The following ATP2B2 variants were observed in gnomAD, a reference collection of about 807,000 sequenced individuals.
ATP2B2 encodes the protein plasma membrane calcium-transporting ATPase 2.
ATP2B2 carries 15 observed loss-of-function variants against 120.0 expected under a neutral mutation model. That is an observed-to-expected ratio of 0.12 (90% CI 0.08 to 0.19). The LOEUF is 0.19. Among genes scored for constraint, ATP2B2 ranks in the 10% least tolerant of loss-of-function variants. ATP2B2 has a pLI of 1.00. For missense variants in ATP2B2, 1,045 were observed against 1,719.8 expected, an observed-to-expected ratio of 0.61 and a Z score of 6.94; for synonymous variants, 694 against 700.3, an observed-to-expected ratio of 0.99 and a Z score of 0.14.
intron 2 of ATP2B2, among the ~76,000 whole-genome samples, chr3:10,572,259 A>G (rs1451206236): frequency 6.6e-6 from 1 of 152,216 alleles, no homozygotes; most frequent in African/African-American, 2.4e-5. Context: ...CTGAAGAACT[A>G]TGGTTGTTTG....
chr3:10,559,969 C>T (rs2067866666), intron 2 of ATP2B2, among the ~76,000 whole-genome samples: 1 of 152,168 alleles, frequency 6.6e-6, no homozygotes, highest in Non-Finnish European at 1.5e-5. Context: ...TAAAGTTGCT[C>T]CGATTTTAAG....
chr3:10,697,855 G>A (rs2071762664), intron 1 of ATP2B2, among the ~76,000 whole-genome samples: 1 of 152,190 alleles, frequency 6.6e-6, no homozygotes, highest in Non-Finnish European at 1.5e-5. Context: ...CATTCATTCA[G>A]CCAATACTTT....
rs917144472 is a variant in ATP2B2, at chr3:10,684,674, A to G, written c.-460+23241T>C. Among the ~76,000 whole-genome samples the G allele has an allele frequency of 2.6e-5, 4 of 152,204 alleles. No homozygotes were observed. The East Asian group carries it at 7.7e-4, about 29-fold the overall frequency. On this transcript the variant is annotated intron_variant, in intron 1 of 21. Transcript: ENST00000646379. ...CAATGGGACCTAAGCTCTGAAAGCA[A>G]TTTCTAAAAAGAAGCATCCAATATG...
At chr3:10,646,881 C>G (rs2070334563) in intron 1 of ATP2B2, among the ~76,000 whole-genome samples, 1 of 152,196 alleles carries the variant, frequency 6.6e-6, no homozygotes, top group Non-Finnish European at 1.5e-5. Flanking sequence ...CCCATCGGAA[C>G]AGAATTCAGG....
chr3:10,479,602 A>G (rs1199947798), intron 1 of ATP2B2, among the ~76,000 whole-genome samples: 1 of 152,104 alleles, frequency 6.6e-6, no homozygotes, highest in African/African-American at 2.4e-5. Context: ...CAATAATTTA[A>G]AAAATAACAG....
chr3:10,547,066 G>A (rs1002259039), intron 2 of ATP2B2, among the ~76,000 whole-genome samples: 2 of 152,186 alleles, frequency 1.3e-5, no homozygotes, highest in African/African-American at 2.4e-5. Flanking sequence ...ACTGAGCAGC[G>A]AGAGGCCCCT....
intron 14 of ATP2B2, among the ~76,000 whole-genome samples, chr3:10,357,944 C>A (rs1194224983): frequency 6.6e-6 from 1 of 152,236 alleles, no homozygotes; most frequent in Non-Finnish European, 1.5e-5. Flanking sequence ...GCACTGAGTT[C>A]TTGGTCTTCC....
intron 1 of ATP2B2, among the ~76,000 whole-genome samples, chr3:10,694,317 A>G (rs2071710947): frequency 6.6e-6 from 1 of 152,252 alleles, no homozygotes; most frequent in African/African-American, 2.4e-5. Context: ...TTACAGCCGA[A>G]TGGCTCTCTC....
At chr3:10,417,917 T>C (rs116143299) in intron 2 of ATP2B2, among the ~76,000 whole-genome samples, 1,920 of 152,254 alleles carry the variant, frequency 0.013, 48 homozygotes, top group African/African-American at 0.04. Context: ...GGTCAGATGG[T>C]CCTCAAGGAA....
Position 10,342,226 on chromosome 3 carries a change from C to T in ATP2B2, c.2917+526G>A, listed in dbSNP as rs559113049. On this transcript the variant is annotated intron_variant, in intron 19 of 22. Transcript: ENST00000360273. The surrounding 1 kb of genome is among the most constrained non-coding windows in gnomAD (Gnocchi z 4.4). ...TCACCTCTCTGAGCCTTGGTGCCCT[C>T]GTTTGTAATGTGGGGTGGAGGCAAA... is the stretch of plus-strand genomic sequence containing the variant. 1.3e-5 allele frequency among the ~76,000 whole-genome samples: 2 copies of T among 152,352 alleles called. No homozygotes were observed. The highest frequency in any genetic ancestry group is 6.5e-5 in the Admixed American group (1 of 15,310).
At chr3:10,659,044 T>C (rs1278152792) in intron 1 of ATP2B2, among the ~76,000 whole-genome samples, 2 of 152,130 alleles carry the variant, frequency 1.3e-5, no homozygotes, top group Non-Finnish European at 2.9e-5. Flanking sequence ...AAGCAAATGC[T>C]GAGAGATTTT....
At chr3:10,457,186 G>A (rs2064295731) in intron 1 of ATP2B2, among the ~76,000 whole-genome samples, 1 of 151,922 alleles carries the variant, frequency 6.6e-6, no homozygotes, top group Non-Finnish European at 1.5e-5. Context: ...GTGTGAGTGT[G>A]CATGGCTAGT....
intron 2 of ATP2B2, among the ~76,000 whole-genome samples, chr3:10,433,061 G>T (rs1489321577): frequency 6.6e-6 from 1 of 152,190 alleles, no homozygotes; most frequent in Non-Finnish European, 1.5e-5. Context: ...CAGTGAAGCT[G>T]TCTTGGTTCA....
chr3:10,501,532 T>C (rs1364356856), intron 1 of ATP2B2, among the ~76,000 whole-genome samples: 7 of 152,038 alleles, frequency 4.6e-5, no homozygotes, highest in Non-Finnish European at 8.8e-5. Flanking sequence ...CACCACACCC[T>C]GCTAATTTTT....
chr3:10,707,208 G>C (rs1040782236), intron 1 of ATP2B2, among the ~76,000 whole-genome samples: 2 of 152,210 alleles, frequency 1.3e-5, no homozygotes, highest in African/African-American at 2.4e-5. Flanking sequence ...GTGGATCTGA[G>C]GACCCACTGA....
intron 1 of ATP2B2, among the ~76,000 whole-genome samples, chr3:10,702,492 C>A (rs1559527526): frequency 6.6e-6 from 1 of 152,118 alleles, no homozygotes; most frequent in Admixed American, 6.5e-5. Flanking sequence ...AAGATCACAG[C>A]GACACAATTA....
chr3:10,416,285 A>G (rs1293958244), intron 2 of ATP2B2, among the ~76,000 whole-genome samples: 1 of 152,152 alleles, frequency 6.6e-6, no homozygotes, highest in African/African-American at 2.4e-5. Flanking sequence ...CTCAAAGTGC[A>G]TCTGTATCCA....
intron 1 of ATP2B2, among the ~76,000 whole-genome samples, chr3:10,495,665 G>C (rs557527701): frequency 6.6e-6 from 1 of 152,336 alleles, no homozygotes; most frequent in Non-Finnish European, 1.5e-5. Flanking sequence ...TGAGAGGGCA[G>C]AGAAGTGCCT....
intron 2 of ATP2B2, among the ~76,000 whole-genome samples, chr3:10,435,777 G>A (rs913938872): frequency 6.6e-6 from 1 of 152,120 alleles, no homozygotes; most frequent in Non-Finnish European, 1.5e-5. Flanking sequence ...GGGTCCTTCA[G>A]TTCACTGTTC....
Sources: allele counts gnomAD v4.1 joint callset (sites outside exome capture counted in the v4.1 genomes callset), GRCh38; gene constraint gnomAD v4.1.1; non-coding constraint Gnocchi (gnomAD v3.1); transcripts MANE v1.5; gene names NCBI Gene and HGNC (gene_info 2026-07-23, HGNC 2026-07-21).